Variants in CCDC18 observed in about 807,000 individuals in gnomAD.
CCDC18 encodes coiled-coil domain-containing protein 18.
Under a neutral mutation model 196.0 loss-of-function variants are expected in CCDC18, and 157 were observed. The observed-to-expected ratio is 0.80, with a 90% CI of 0.70 to 0.91. The LOEUF is 0.91. CCDC18 is among the 40% of genes least tolerant of loss of function. CCDC18 has a pLI of 0.00. For missense variants in CCDC18, 1,465 were observed against 1,611.6 expected, an observed-to-expected ratio of 0.91 and a Z score of 1.56; for synonymous variants, 482 against 529.2, an observed-to-expected ratio of 0.91 and a Z score of 1.22.
upstream of CCDC18, chr1:93,180,056 G>A (rs771127160): frequency 3.1e-6 from 5 of 1,612,178 alleles, no homozygotes; most frequent in East Asian, 1.1e-4. Flanking sequence ...GCACTTACTT[G>A]GTACTCGATC....
intron 16 of CCDC18, among the ~76,000 whole-genome samples, chr1:93,223,282 C>T (rs1657745139): frequency 6.6e-6 from 1 of 152,046 alleles, no homozygotes; most frequent in South Asian, 2.1e-4. Flanking sequence ...GGATTTTATT[C>T]CTTTAACATC....
upstream of CCDC18, chr1:93,180,211 A>T (rs1313612691): frequency 6.2e-7 from 1 of 1,612,852 alleles, no homozygotes; most frequent in Admixed American, 1.7e-5. Flanking sequence ...CAGAAGGAGC[A>T]CGGGGAAGGG....
At chr1:93,203,060 A>G (rs1654109484) in intron 7 of CCDC18, among the ~76,000 whole-genome samples, 2 of 152,146 alleles carry the variant, frequency 1.3e-5, no homozygotes, top group African/African-American at 4.8e-5. Flanking sequence ...ATGTCATGTG[A>G]AGATGCATTT....
At chr1:93,260,331 C>G (rs1035769469) in intron 26 of CCDC18, among the ~76,000 whole-genome samples, 5 of 152,186 alleles carry the variant, frequency 3.3e-5, no homozygotes, top group African/African-American at 1.2e-4. Context: ...TTGCAGTAAG[C>G]CAAGATCGCG....
intron 28 of CCDC18, among the ~76,000 whole-genome samples, chr1:93,273,235 A>AT (rs1161610378): frequency 6.6e-6 from 1 of 151,806 alleles, no homozygotes; most frequent in Non-Finnish European, 1.5e-5. Context: ...CGCCCGGCTA[A>AT]TTTTTTGTAT....
At chr1:93,223,896 TTTATACACACACACACAC>T (rs1046829042) in intron 16 of CCDC18, among the ~76,000 whole-genome samples, 4 of 123,930 alleles carry the variant, frequency 3.2e-5, no homozygotes, top group African/African-American at 1.2e-4. Flanking sequence ...ATTTCATTTA[TTTATACACACACACACAC>T]ACACACACAC....
At chr1:93,236,160 A>G in intron 18 of CCDC18, 88 bp from the exon 19 acceptor site, 1 of 1,059,850 alleles carries the variant, frequency 9.4e-7, no homozygotes, top group Admixed American at 3.2e-5. Flanking sequence ...TTTTTATGAT[A>G]CATCTTGAAA....
At chr1:93,213,538 A>G (rs1656023069) in intron 11 of CCDC18, among the ~76,000 whole-genome samples, 1 of 151,504 alleles carries the variant, frequency 6.6e-6, no homozygotes, top group Admixed American at 6.6e-5. Flanking sequence ...CTTTGGGTGT[A>G]TTCCACTACT....
chr1:93,193,749 G>A lies in CCDC18; in HGVS notation c.698+5G>A, dbSNP rs777835468. 3 of 1,541,398 alleles carry A rather than the reference G, an allele frequency of 1.9e-6. No homozygotes were observed. The highest frequency in any genetic ancestry group is 2.9e-5 in the African/African-American group (2 of 69,958). Reference sequence around the variant, plus strand: ...ACAAACCAAACAAGGAAAAAGGTATGTGTTTTTAAAGCAAATACATGTTTT... The same window carrying A: ...ACAAACCAAACAAGGAAAAAGGTATATGTTTTTAAAGCAAATACATGTTTT... On this transcript the variant is annotated splice_donor_5th_base_variant and intron_variant, in intron 6 of 28. Transcript: ENST00000690025.
Position 93,256,382 on chromosome 1 carries a change from C to T in CCDC18, c.3390C>T (p.Ala1130=). The T allele has an allele frequency of 1.2e-6, 2 of 1,613,976 alleles. No individual in the cohort carries two copies. The highest frequency in any genetic ancestry group is 1.7e-6 in the Non-Finnish European group (2 of 1,179,964). ...EQYIATQYKE[A]IDLGQELRLT... is the part of the protein sequence containing the mutation. ...ACATTGCCACTCAGTACAAGGAGGC[C>T]ATAGATTTGGGGCAAGAATTGAGGC... is the stretch of plus-strand genomic sequence containing the variant. Residue 1130 remains alanine (A), a synonymous_variant, in exon 25 of 29, where the codon GCC becomes GCT. Coordinates refer to ENST00000690025, the MANE Select transcript of CCDC18 (RefSeq NM_001378204.1).
chr1:93,214,048 A>T (rs910313376), intron 11 of CCDC18, among the ~76,000 whole-genome samples: 10 of 152,146 alleles, frequency 6.6e-5, no homozygotes, highest in Admixed American at 2.6e-4. Flanking sequence ...GGAGATGTGT[A>T]TGTTTATAGT....
At chr1:93,215,597 C>T (rs1385290760) in intron 12 of CCDC18, among the ~76,000 whole-genome samples, 1 of 151,958 alleles carries the variant, frequency 6.6e-6, no homozygotes, top group Non-Finnish European at 1.5e-5. Flanking sequence ...TTTGAGACTG[C>T]AGGCATGTGT....
At chr1:93,210,524 T>C (rs1292774384) in intron 9 of CCDC18, among the ~76,000 whole-genome samples, 2 of 152,146 alleles carry the variant, frequency 1.3e-5, no homozygotes, top group African/African-American at 4.8e-5. Context: ...TGCTTAGTGT[T>C]TTTATGAAAA....
intron 26 of CCDC18, among the ~76,000 whole-genome samples, chr1:93,261,124 G>A (rs889622431): frequency 6.6e-6 from 1 of 152,050 alleles, no homozygotes; most frequent in African/African-American, 2.4e-5. Flanking sequence ...AATCCTTTGG[G>A]TATATACCCA....
chr1:93,204,885 A>G (rs1159369598), intron 7 of CCDC18, among the ~76,000 whole-genome samples: 1 of 152,146 alleles, frequency 6.6e-6, no homozygotes, highest in African/African-American at 2.4e-5. Context: ...GGGATTTTTA[A>G]TAAGGTGATC....
intron 4 of CCDC18, chr1:93,190,700 C>T (rs1651606098): frequency 5.7e-6 from 2 of 350,710 alleles, no homozygotes; most frequent in South Asian, 4.3e-5. Context: ...AACATAAACT[C>T]AAGATTTTAT....
intron 27 of CCDC18, among the ~76,000 whole-genome samples, chr1:93,266,541 C>T (rs566880708): frequency 1.2e-4 from 18 of 151,934 alleles, no homozygotes; most frequent in African/African-American, 2.2e-4. Flanking sequence ...ATTGATAGAC[C>T]GCTAGCAAGA....
At chr1:93,180,170 C>T (rs1274437986), upstream of CCDC18, 3 of 1,613,322 alleles carry the variant, frequency 1.9e-6, no homozygotes, top group East Asian at 6.7e-5. Flanking sequence ...AAGCCGGCCG[C>T]CCCAGGCAGC....
intron 19 of CCDC18, among the ~76,000 whole-genome samples, chr1:93,238,362 C>T (rs12048219): frequency 0.19 from 28,320 of 152,078 alleles, 2,903 homozygotes; most frequent in East Asian, 0.31. Context: ...GTCTTCTATA[C>T]ATAGATGTAT....
Sources: allele counts gnomAD v4.1 joint callset (sites outside exome capture counted in the v4.1 genomes callset), GRCh38; gene constraint gnomAD v4.1.1; transcripts MANE v1.5; gene names NCBI Gene and HGNC (gene_info 2026-07-23, HGNC 2026-07-21).